The following RNF213 variants were observed in gnomAD, a reference collection of about 807,000 sequenced individuals.
RNF213 encodes the protein ring finger protein 213.
RNF213 carries 341 observed loss-of-function variants against 514.4 expected under a neutral mutation model. That is an observed-to-expected ratio of 0.66 (90% confidence interval 0.61 to 0.73). The LOEUF is 0.73. RNF213 is among the 30% of genes least tolerant of loss of function. RNF213 has a pLI of 0.00. For synonymous variants in RNF213, 2,655 were observed against 2,658.2 expected, an observed-to-expected ratio of 1.00 and a Z score of 0.04; for missense variants, 5,767 against 6,615.6, an observed-to-expected ratio of 0.87 and a Z score of 4.45.
rs750707690 is a variant in RNF213 at position 80,390,000 on chromosome 17, C to T, written c.15286-12C>T. The T allele has an allele frequency of 6.2e-7, 1 of 1,614,214 alleles. No individual in the cohort carries two copies. The highest frequency in any genetic ancestry group is 2.2e-5 in the East Asian group (1 of 44,888). ...AGGCTTTAATGCTTCATTTGCTCTT[C>T]CGTCGTTTTAGGAGCCATTTGGGGA... On this transcript the variant is annotated splice_polypyrimidine_tract_variant and intron_variant, in intron 66 of 67. Transcript: ENST00000582970.
intron 38 of RNF213, among the ~76,000 whole-genome samples, chr17:80,360,722 G>A (rs2079023680): frequency 6.6e-6 from 1 of 152,204 alleles, no homozygotes; most frequent in South Asian, 2.1e-4. Context: ...GCTGCCAGAT[G>A]CCAGAAGATT....
Position 80,340,158 on chromosome 17 carries a change from G to A in RNF213, c.5791G>A (p.Asp1931Asn). The A allele has an allele frequency of 6.2e-7, 1 of 1,613,982 alleles. No homozygotes were observed. The change falls in exon 26 of 68, where the codon GAT (aspartate) becomes AAT (asparagine). Residue 1931 changes from aspartate (D) to asparagine (N), a missense_variant. Around this residue, in one of 13 missense-constraint regions of RNF213, gnomAD observed 1,377 missense variants for 1,635.2 expected, o/e 0.84. Transcript: ENST00000582970. ...REDYQLVMVC[D>N]GDWEHCYLPS... ...AGACTACCAGCTCGTCATGGTCTGTGATGGGGACTGGGAGCACTGCTACCT... is the reference window on the plus strand; with the variant it reads ...AGACTACCAGCTCGTCATGGTCTGTAATGGGGACTGGGAGCACTGCTACCT...
At chr17:80,373,890 C>A (rs2079626987) in intron 49 of RNF213, among the ~76,000 whole-genome samples, 1 of 151,934 alleles carries the variant, frequency 6.6e-6, no homozygotes, top group Admixed American at 6.6e-5. Context: ...GTAATCCCAG[C>A]TAGTCGGGAG....
Position 80,361,892 on chromosome 17 carries a change from G to C in RNF213, c.11355+4G>C, listed in dbSNP as rs748579281. ...GTCAACGGAGGAGGAATTAAAGGTA[G>C]ATGTTTAGATACTGGCTAAGGGTCA... On this transcript the variant is annotated splice_donor_region_variant and intron_variant, in intron 39 of 67. Transcript: ENST00000582970. 3.1e-6 allele frequency: 5 copies of C among 1,611,204 alleles called. No homozygotes were observed. Among genetic ancestry groups the C allele is most frequent in the Non-Finnish European group, 4.2e-6 (5 of 1,178,182 alleles).
At position 80,345,991 on chromosome 17, in the gene RNF213, G is replaced by A. The variant is rs752662991; in HGVS notation, c.7656G>A (p.Thr2552=). ...GCTACAGGGTTAGTATGGAGGAGAC[G>A]GCCGACAGGCTGGGCTCCATTCCTC... ...GLGYRVSMEE[T]ADRLGSIPLR... The change falls in exon 29 of 68, where the codon ACG becomes ACA. Residue 2552 remains threonine, a synonymous_variant. Transcript: ENST00000582970. This position sits in a 1 kb window ranked among gnomAD's most constrained non-coding sequence, Gnocchi z 6.0. The A allele has an allele frequency of 2.5e-5, 41 of 1,614,058 alleles. No homozygotes were observed. The highest frequency in any genetic ancestry group is 1.6e-4 in the Middle Eastern group (1 of 6,084).
Position 80,363,171 on chromosome 17 carries a change from G to T in RNF213, c.11425G>T (p.Val3809Phe), listed in dbSNP as rs773668463. The T allele has an allele frequency of 7.4e-6, 12 of 1,614,106 alleles. No homozygotes were observed. Among genetic ancestry groups the T allele is most frequent in the Non-Finnish European group, 9.3e-6 (11 of 1,180,054 alleles). The change falls in exon 40 of 68, where the codon GTT becomes TTT. Residue 3809 changes from valine (V) to phenylalanine (F), a missense_variant. Val to Phe is a conservative substitution (Grantham distance 50, BLOSUM62 -1). Around this residue, in one of 13 missense-constraint regions of RNF213, gnomAD observed 355 missense variants for 358.0 expected, o/e 0.99. Coordinates refer to ENST00000582970, the MANE Select transcript of RNF213 (RefSeq NM_001256071.3). ...KAASEAPEEE[V>F]SLPWVHLAYQ... ...GGCGTCAGAAGCGCCCGAGGAAGAG[G>T]TTTCCTTACCGTGGGTGCACCTTGC...
At chr17:80,271,261 T>G (rs919492265) in intron 2 of RNF213, among the ~76,000 whole-genome samples, 1 of 152,174 alleles carries the variant, frequency 6.6e-6, no homozygotes, top group African/African-American at 2.4e-5. Flanking sequence ...ATGTGTGTCT[T>G]ATGTATGTAG....
chr17:80,356,846 A>T lies in RNF213; in HGVS notation c.10863-1442A>T, dbSNP rs189613378. Among the ~76,000 whole-genome samples the T allele has an allele frequency of 8.5e-4, 130 of 152,274 alleles. 1 individual carries two copies. The highest frequency in any genetic ancestry group is 4.1e-3 in the South Asian group (20 of 4,828). On this transcript the variant is annotated intron_variant, in intron 36 of 67. Coordinates refer to ENST00000582970, the MANE Select transcript of RNF213 (RefSeq NM_001256071.3). ...CCAGGTTCCTCTGTACTATATATTT[A>T]AAAAATGTAGGTATTTCTTTTTATT... is the stretch of plus-strand genomic sequence containing the variant.
rs1166427238 is a variant in RNF213 at position 80,397,282 on chromosome 17, C to T, written c.*3784C>T. The T allele has an allele frequency of 6.6e-6, 1 of 152,192 alleles. No individual in the cohort carries two copies. The highest frequency in any genetic ancestry group is 1.5e-5 in the Non-Finnish European group (1 of 68,046). 9.4% of individuals were successfully genotyped at this position (152,192 alleles called of 1,614,324 possible). ...CAGCCATGGGCAAGTGGCTCGACCT[C>T]TCTAAGCTTCAGTTTCCTCGTCTGT... On this transcript the variant is annotated 3_prime_UTR_variant, in exon 68 of 68. Transcript: ENST00000582970.
In RNF213 at chr17:80,317,252, G is replaced by T. The variant is rs571534674; in HGVS notation, c.2876G>T (p.Gly959Val). Residue 959 changes from glycine to valine, a missense_variant, in exon 16 of 68, where the codon GGA becomes GTA. Around this residue, in one of 13 missense-constraint regions of RNF213, gnomAD observed 4 missense variants for 19.1 expected, o/e 0.21. Transcript: ENST00000582970. The surrounding 1 kb of genome is among the most constrained non-coding windows in gnomAD (Gnocchi z 4.1). ...CATGGCTGGAAGGAGTCGTTGCTGGGAGACATGGAATGGAGGCTCACAAAG... is the reference window on the plus strand; with the variant it reads ...CATGGCTGGAAGGAGTCGTTGCTGGTAGACATGGAATGGAGGCTCACAAAG... ...AEHGWKESLL[G>V]DMEWRLTKEE... 1.3e-4 allele frequency: 212 copies of T among 1,612,864 alleles called. 1 individual carries two copies. In the South Asian group the frequency reaches 1.9e-3, roughly 14 times the overall value.
At chr17:80,363,956 G>A (rs914260208) in intron 41 of RNF213, among the ~76,000 whole-genome samples, 166 bp downstream of exon 41, 1 of 152,246 alleles carries the variant, frequency 6.6e-6, no homozygotes, top group Non-Finnish European at 1.5e-5. Flanking sequence ...GTGAGTGCCA[G>A]GCGTCTCATT....
intron 36 of RNF213, among the ~76,000 whole-genome samples, chr17:80,355,584 G>C (rs1301694589): frequency 2.3e-5 from 2 of 85,260 alleles, no homozygotes; most frequent in African/African-American, 8.6e-5. Flanking sequence ...GGGTGAGTGG[G>C]AATGGGGGCT....
intron 54 of RNF213, among the ~76,000 whole-genome samples, chr17:80,378,623 C>A (rs1007196799): frequency 1.3e-5 from 2 of 152,228 alleles, no homozygotes; most frequent in Admixed American, 1.3e-4. Flanking sequence ...GCCTGATACA[C>A]GTCATTTAAT....
chr17:80,342,822 C>T (rs2078200364), intron 26 of RNF213, among the ~76,000 whole-genome samples: 1 of 150,288 alleles, frequency 6.7e-6, no homozygotes, highest in Non-Finnish European at 1.5e-5. Context: ...GACAACTGCA[C>T]CCTAAGGGAT....
intron 3 of RNF213, among the ~76,000 whole-genome samples, chr17:80,285,684 T>A (rs1311038166): frequency 6.6e-6 from 1 of 152,090 alleles, no homozygotes; most frequent in Non-Finnish European, 1.5e-5. Context: ...CTTTTTTTTT[T>A]TTGTGAGATG....
At position 80,369,830 on chromosome 17, in the gene RNF213, A is replaced by G; in HGVS notation, c.12388A>G (p.Ile4130Val). ...FNDVVDKTPVIRSVILKLLLK... is the reference protein window; with the variant it reads ...FNDVVDKTPVVRSVILKLLLK... ...TGATGTTGTGGATAAGACTCCTGTCATCCGCTCAGTGATACTGAAACTGCT... is the reference window on the plus strand; with the variant it reads ...TGATGTTGTGGATAAGACTCCTGTCGTCCGCTCAGTGATACTGAAACTGCT... The change falls in exon 46 of 68, where the codon ATC becomes GTC. Residue 4130 changes from isoleucine to valine, a missense_variant. Around this residue, in one of 13 missense-constraint regions of RNF213, gnomAD observed 12 missense variants for 34.6 expected, o/e 0.35. Coordinates refer to ENST00000582970, the MANE Select transcript of RNF213 (RefSeq NM_001256071.3). 1 of 1,613,766 alleles carries G rather than the reference A, an allele frequency of 6.2e-7. No homozygotes were observed. The highest frequency in any genetic ancestry group is 8.5e-7 in the Non-Finnish European group (1 of 1,179,688).
In RNF213 at chr17:80,305,184, C is replaced by CTTTTTTT. The variant is rs71163950; in HGVS notation, c.2211-1061_2211-1055dup. Among the ~76,000 whole-genome samples, 5 of 127,466 alleles carry CTTTTTTT rather than the reference C, an allele frequency of 3.9e-5. 1 individual carries two copies. Among genetic ancestry groups the CTTTTTTT allele is most frequent in the Non-Finnish European group, 7.9e-5 (5 of 63,594 alleles). 83.6% of individuals were successfully genotyped at this position (127,466 alleles called of 152,430 possible). On this transcript the variant is annotated intron_variant, in intron 11 of 67. Transcript: ENST00000582970. Reference sequence around the variant, plus strand: ...ATGAGCCACTGCACCCAGCAGTGAACTTTTTTTTTTTTTGAGACAGTTTTG... The same window carrying CTTTTTTT: ...ATGAGCCACTGCACCCAGCAGTGAACTTTTTTTTTTTTTTTTTTTTGAGACAGTTTTG...
rs1052570379 is a variant in RNF213 at position 80,395,319 on chromosome 17, T to C, written c.*1821T>C. 2 of 152,192 alleles carry C rather than the reference T, an allele frequency of 1.3e-5. No homozygotes were observed. The highest frequency in any genetic ancestry group is 2.9e-5 in the Non-Finnish European group (2 of 68,032). 9.4% of individuals were successfully genotyped at this position (152,192 alleles called of 1,614,324 possible). Reference sequence around the variant, plus strand: ...GAGTTTTGCTGCTAAAGAACTCTTCTCTCTGGGGGCAGAGCTTCTATTTAT... The same window carrying C: ...GAGTTTTGCTGCTAAAGAACTCTTCCCTCTGGGGGCAGAGCTTCTATTTAT... On this transcript the variant is annotated 3_prime_UTR_variant, in exon 68 of 68. Transcript: ENST00000582970.
chr17:80,289,913 A>G, intron 6 of RNF213, 76 bp downstream of exon 6: 1 of 1,454,624 alleles, frequency 6.9e-7, no homozygotes, highest in Non-Finnish European at 9.4e-7. Flanking sequence ...CACAACTCTC[A>G]GGGGATATCC....
Sources: gnomAD v4.1 joint callset for allele counts (sites outside exome capture counted in the v4.1 genomes callset) on GRCh38, gnomAD v4.1.1 for gene constraint, gnomAD v4.1.1 regional missense constraint, Gnocchi (gnomAD v3.1) non-coding constraint, MANE v1.5 for transcripts, NCBI Gene and HGNC (gene_info 2026-07-23, HGNC 2026-07-21) for gene names.